ATXN7L1: variants seen among roughly 807,000 people sequenced by gnomAD.
The protein encoded by ATXN7L1 is ataxin-7-like protein 1.
A neutral mutation model predicts 70.8 loss-of-function variants in ATXN7L1; 15 were observed. The observed-to-expected ratio is 0.21, with a 90% CI of 0.14 to 0.33. The LOEUF (loss-of-function observed/expected upper bound fraction) is 0.33. Ranked by LOEUF, ATXN7L1 falls within the 10% of genes least tolerant of loss-of-function variation. The pLI is 1.00. For synonymous variants in ATXN7L1, 440 were observed against 445.1 expected (o/e 0.99, Z 0.14); for missense variants, 975 against 1,097.1 (o/e 0.89, Z 1.57).
rs676326 is a variant in ATXN7L1 at position 105,713,167 on chromosome 7, C to T, written c.356-47879G>A. On this transcript the variant is annotated intron_variant, in intron 3 of 11. Transcript: ENST00000419735. ...TCTTGTGAGAACTCACTTGCTATCACGAGAATAGCAAGGGGGAAATTCACC... is the reference window on the plus strand; with the variant it reads ...TCTTGTGAGAACTCACTTGCTATCATGAGAATAGCAAGGGGGAAATTCACC... Among the ~76,000 whole-genome samples, 369 of 152,288 alleles carry T rather than the reference C, an allele frequency of 2.4e-3. 2 individuals are homozygous for T. Among genetic ancestry groups the T allele is most frequent in the Middle Eastern group, 0.01 (3 of 294 alleles).
At chr7:105,779,284 C>T (rs956116647) in intron 3 of ATXN7L1, among the ~76,000 whole-genome samples, 1 of 152,198 alleles carries the variant, frequency 6.6e-6, no homozygotes, top group African/African-American at 2.4e-5. Context: ...TTAAATAACA[C>T]ATTAAAATGT....
chr7:105,856,617 T>G (rs1038790858), intron 2 of ATXN7L1, among the ~76,000 whole-genome samples: 1 of 151,912 alleles, frequency 6.6e-6, no homozygotes, highest in African/African-American at 2.4e-5. Context: ...TTTAAATATT[T>G]TATTCTTTAT....
At chr7:105,659,792 T>A (rs1304091048) in intron 4 of ATXN7L1, among the ~76,000 whole-genome samples, 1 of 151,902 alleles carries the variant, frequency 6.6e-6, no homozygotes, top group African/African-American at 2.4e-5. Context: ...CATGCCCACG[T>A]CTACACTGAT....
chr7:105,683,340 T>C (rs1036382893), intron 3 of ATXN7L1, among the ~76,000 whole-genome samples: 15 of 152,158 alleles, frequency 9.9e-5, no homozygotes, highest in African/African-American at 3.4e-4. Context: ...TGTTACTCTT[T>C]AGGGGGTGTT....
chr7:105,783,152 C>T (rs908001303), intron 3 of ATXN7L1, among the ~76,000 whole-genome samples: 6 of 152,190 alleles, frequency 3.9e-5, no homozygotes, highest in South Asian at 2.1e-4. Context: ...TCAAACAGCC[C>T]GTAAATGTTA....
At chr7:105,792,695 G>A (rs1326012635) in intron 2 of ATXN7L1, among the ~76,000 whole-genome samples, 1 of 152,174 alleles carries the variant, frequency 6.6e-6, no homozygotes, top group African/African-American at 2.4e-5. Flanking sequence ...TTCATGTTTA[G>A]TGTCGTCATG....
intron 3 of ATXN7L1, among the ~76,000 whole-genome samples, chr7:105,682,730 T>C (rs972845326): frequency 6.6e-6 from 1 of 151,914 alleles, no homozygotes; most frequent in Non-Finnish European, 1.5e-5. Flanking sequence ...ATGTCCAGAA[T>C]AGGTAAATCC....
intron 3 of ATXN7L1, among the ~76,000 whole-genome samples, chr7:105,778,403 C>A (rs113975726): frequency 6.8e-6 from 1 of 146,386 alleles, no homozygotes; most frequent in African/African-American, 2.5e-5. Context: ...CCCAGCTACT[C>A]GGGAGGCTAA....
intron 7 of ATXN7L1, among the ~76,000 whole-genome samples, chr7:105,625,227 ATGAG>A (rs1199720128): frequency 6.6e-6 from 1 of 152,190 alleles, no homozygotes; most frequent in African/African-American, 2.4e-5. Flanking sequence ...TTTTCTGAGG[ATGAG>A]TGTTTCAATT....
chr7:105,834,953 G>A (rs1470229138), intron 2 of ATXN7L1, among the ~76,000 whole-genome samples: 2 of 151,784 alleles, frequency 1.3e-5, no homozygotes, highest in Non-Finnish European at 2.9e-5. Context: ...TTTTCCCAGG[G>A]CTAAAAGTGG....
chr7:105,664,442 A>AAT (rs1000814504), intron 4 of ATXN7L1, among the ~76,000 whole-genome samples: 258 of 147,432 alleles, frequency 1.7e-3, no homozygotes, highest in African/African-American at 5.8e-3. Context: ...CTCTGTCTCA[A>AAT]ATATATATAT....
At chr7:105,607,941 A>C in intron 11 of ATXN7L1, 51 bp from the exon 12 acceptor site, 1 of 1,485,558 alleles carries the variant, frequency 6.7e-7, no homozygotes, top group Non-Finnish European at 9.2e-7. Flanking sequence ...AGTTGAGATT[A>C]CCCATGAGAA....
chr7:105,778,593 A>ACTGAACCAT (rs1803109459), intron 3 of ATXN7L1, among the ~76,000 whole-genome samples: 1 of 152,006 alleles, frequency 6.6e-6, no homozygotes, highest in Non-Finnish European at 1.5e-5. Flanking sequence ...CTAAATTTGA[A>ACTGAACCAT]CTGAACCATT....
At chr7:105,776,491 CAA>C (rs1491417533) in intron 3 of ATXN7L1, among the ~76,000 whole-genome samples, 2 of 101,006 alleles carry the variant, frequency 2.0e-5, no homozygotes, top group Admixed American at 1.1e-4. Flanking sequence ...AACAAACAAA[CAA>C]CCCCCCCCCC....
At chr7:105,819,575 G>C in intron 2 of ATXN7L1, 1 of 1,138,402 alleles carries the variant, frequency 8.8e-7, no homozygotes, top group Admixed American at 1.7e-5. Context: ...AGTAGGTACT[G>C]CTGGGCCGGA....
intron 2 of ATXN7L1, among the ~76,000 whole-genome samples, chr7:105,810,359 C>A (rs1808250955): frequency 6.6e-6 from 1 of 152,204 alleles, no homozygotes; most frequent in South Asian, 2.1e-4. Context: ...ACTGGCAAGA[C>A]CCTTGCCTTG....
At chr7:105,731,598 C>A (rs1249174431) in intron 3 of ATXN7L1, among the ~76,000 whole-genome samples, 1 of 151,244 alleles carries the variant, frequency 6.6e-6, no homozygotes, top group Non-Finnish European at 1.5e-5. Context: ...CCACGCCCGG[C>A]TAATTTTTTT....
intron 3 of ATXN7L1, among the ~76,000 whole-genome samples, chr7:105,776,358 T>G (rs1802721959): frequency 1.3e-5 from 2 of 152,188 alleles, no homozygotes; most frequent in Non-Finnish European, 1.5e-5. Context: ...AGCCATGTCT[T>G]CCAAATGATT....
chr7:105,708,172 T>C (rs188295170), intron 3 of ATXN7L1, among the ~76,000 whole-genome samples: 1 of 152,306 alleles, frequency 6.6e-6, no homozygotes, highest in Non-Finnish European at 1.5e-5. Context: ...TGGAGAACAG[T>C]TGGCTGTGGA....
Sources: gnomAD v4.1 joint callset for allele counts (sites outside exome capture counted in the v4.1 genomes callset) on GRCh38, gnomAD v4.1.1 for gene constraint, MANE v1.5 for transcripts, NCBI Gene and HGNC (gene_info 2026-07-23, HGNC 2026-07-21) for gene names.